Variants in LUZP2 observed in about 807,000 individuals in gnomAD.
The protein encoded by LUZP2 is leucine zipper protein 2.
LUZP2 carries 52 observed loss-of-function variants against 51.6 expected under a neutral mutation model. The ratio of observed to expected loss-of-function variants is 1.01; its 90% CI spans 0.81 to 1.27. The LOEUF (loss-of-function observed/expected upper bound fraction) is 1.27, where lower values mean the gene tolerates loss of function less well. Ranked by LOEUF, LUZP2 falls within the 50% of genes most tolerant of loss-of-function variation. The probability of loss-of-function intolerance (pLI) is 0.00; values close to 1 mark genes in which losing one functional copy is unlikely to be tolerated. For synonymous variants in LUZP2, 154 were observed against 137.3 expected, an observed-to-expected ratio of 1.12 and a Z score of -0.85; for missense variants, 436 against 395.4, an observed-to-expected ratio of 1.10 and a Z score of -0.87.
intron 7 of LUZP2, among the ~76,000 whole-genome samples, chr11:24,961,577 T>G: frequency 6.6e-6 from 1 of 152,134 alleles, no homozygotes; most frequent in Non-Finnish European, 1.5e-5. Flanking sequence ...AACCCCTGCC[T>G]TTCTTTGTTT....
At chr11:24,933,653 G>T (rs923410624) in intron 7 of LUZP2, among the ~76,000 whole-genome samples, 2 of 152,074 alleles carry the variant, frequency 1.3e-5, no homozygotes, top group East Asian at 3.9e-4. Flanking sequence ...TTTACATAAG[G>T]CCTTTTTTTG....
intron 1 of LUZP2, among the ~76,000 whole-genome samples, chr11:24,723,052 A>G (rs1159807548): frequency 6.6e-6 from 1 of 152,186 alleles, no homozygotes; most frequent in East Asian, 1.9e-4. Context: ...GCAATGGGCA[A>G]ACTAATGGAA....
At chr11:24,959,234 G>A (rs1855314426) in intron 7 of LUZP2, among the ~76,000 whole-genome samples, 2 of 152,154 alleles carry the variant, frequency 1.3e-5, no homozygotes, top group South Asian at 4.2e-4. Context: ...ACTTGGCGAT[G>A]CGGGCTCTTT....
chr11:24,875,782 C>A (rs1311576080), intron 5 of LUZP2, among the ~76,000 whole-genome samples: 2 of 152,138 alleles, frequency 1.3e-5, no homozygotes, highest in Non-Finnish European at 2.9e-5. Flanking sequence ...CTGACTTTCT[C>A]ATGATTGCCA....
chr11:24,522,314 TTCTG>T (rs1264629790), intron 1 of LUZP2, among the ~76,000 whole-genome samples: 3 of 151,888 alleles, frequency 2.0e-5, no homozygotes, highest in South Asian at 2.1e-4. Context: ...TTTTTTAAGT[TTCTG>T]TCTTAGATTG....
intron 1 of LUZP2, among the ~76,000 whole-genome samples, chr11:24,709,624 G>T (rs961362508): frequency 3.9e-5 from 6 of 152,122 alleles, no homozygotes; most frequent in African/African-American, 1.4e-4. Flanking sequence ...ATAATTAGAA[G>T]AACTCTTTTT....
chr11:25,041,955 A>T (rs938538238), intron 9 of LUZP2, among the ~76,000 whole-genome samples: 2 of 152,182 alleles, frequency 1.3e-5, no homozygotes, highest in African/African-American at 4.8e-5. Flanking sequence ...CTCTTTATGA[A>T]AATCTAATGT....
chr11:24,689,427 G>T (rs567244823), intron 1 of LUZP2, among the ~76,000 whole-genome samples: 1 of 152,146 alleles, frequency 6.6e-6, no homozygotes, highest in Non-Finnish European at 1.5e-5. Flanking sequence ...CTCTTAGTGC[G>T]TATGCTTGAG....
chr11:25,013,996 G>A (rs577629773), intron 9 of LUZP2, among the ~76,000 whole-genome samples: 18 of 152,008 alleles, frequency 1.2e-4, no homozygotes, highest in African/African-American at 3.1e-4. Flanking sequence ...GAGAACATGT[G>A]GTGTTTGGTT....
intron 4 of LUZP2, among the ~76,000 whole-genome samples, chr11:24,741,965 AATATATAC>A (rs1489587236): frequency 4.6e-4 from 38 of 83,508 alleles, no homozygotes; most frequent in South Asian, 1.1e-3. Flanking sequence ...ATTATATATA[AATATATAC>A]ATTTATATAT....
chr11:24,872,939 A>C (rs1407910555), intron 5 of LUZP2, among the ~76,000 whole-genome samples: 3 of 152,082 alleles, frequency 2.0e-5, no homozygotes, highest in Non-Finnish European at 2.9e-5. Flanking sequence ...TCTGTTTTAC[A>C]TTTTTCCCTC....
intron 7 of LUZP2, among the ~76,000 whole-genome samples, chr11:24,955,144 A>G (rs1204515247): frequency 6.6e-6 from 1 of 151,990 alleles, no homozygotes; most frequent in Non-Finnish European, 1.5e-5. Context: ...CCCAAATGGA[A>G]CGCCCGTATA....
At chr11:24,730,251 T>C (rs1378773972) in intron 2 of LUZP2, among the ~76,000 whole-genome samples, 1 of 151,728 alleles carries the variant, frequency 6.6e-6, no homozygotes, top group Non-Finnish European at 1.5e-5. Context: ...ACATGAAGAC[T>C]GTTAGTCACA....
chr11:25,023,952 G>A (rs1857412855), intron 9 of LUZP2, among the ~76,000 whole-genome samples: 2 of 152,144 alleles, frequency 1.3e-5, no homozygotes, highest in Admixed American at 1.3e-4. Flanking sequence ...TTTTGAGTGA[G>A]TTTCTTAATC....
chr11:24,736,265 T>C (rs1204951864), intron 3 of LUZP2, among the ~76,000 whole-genome samples: 6 of 152,004 alleles, frequency 3.9e-5, no homozygotes, highest in African/African-American at 1.4e-4. Context: ...TCATTGTCAT[T>C]TTAATAAAAC....
At chr11:24,897,653 T>C (rs562091302) in intron 5 of LUZP2, among the ~76,000 whole-genome samples, 1 of 152,292 alleles carries the variant, frequency 6.6e-6, no homozygotes, top group African/African-American at 2.4e-5. Context: ...GACACACATA[T>C]TTAAGAATTG....
At chr11:24,508,498 T>C (rs1850206100) in intron 1 of LUZP2, among the ~76,000 whole-genome samples, 1 of 152,122 alleles carries the variant, frequency 6.6e-6, no homozygotes, top group Non-Finnish European at 1.5e-5. Context: ...TCTTTATGTG[T>C]GGAGGCTGTT....
chr11:24,585,337 G>A (rs1019593451), intron 1 of LUZP2, among the ~76,000 whole-genome samples: 3 of 152,174 alleles, frequency 2.0e-5, no homozygotes, highest in African/African-American at 7.2e-5. Context: ...GACTGGACCT[G>A]TCCAGCTGCC....
At chr11:24,616,475 A>ATGTGTGTGTGTGTGTGTGTG (rs61413263) in intron 1 of LUZP2, among the ~76,000 whole-genome samples, 50 of 98,530 alleles carry the variant, frequency 5.1e-4, no homozygotes, top group African/African-American at 1.5e-3. Context: ...TGGCGTGCGC[A>ATGTGTGTGTGTGTGTGTGTG]TGTGTGTGTG....
Sources: gnomAD v4.1 joint callset for allele counts (sites outside exome capture counted in the v4.1 genomes callset) on GRCh38, gnomAD v4.1.1 for gene constraint, MANE v1.5 for transcripts, NCBI Gene and HGNC (gene_info 2026-07-23, HGNC 2026-07-21) for gene names.